The following PRSS12 variants were observed in gnomAD, a reference collection of about 807,000 sequenced individuals.
PRSS12 encodes the protein serine protease 12.
In PRSS12, 85 loss-of-function variants were observed where a neutral mutation model predicts 104.4. The ratio of observed to expected loss-of-function variants is 0.81; its 90% CI spans 0.68 to 0.98. The LOEUF is 0.98. Among genes scored for constraint, PRSS12 ranks in the 50% least tolerant of loss-of-function variants. The pLI, the probability that PRSS12 is intolerant of heterozygous loss-of-function variation, is 0.00. For missense variants in PRSS12, 1,141 were observed against 1,139.2 expected, an observed-to-expected ratio of 1.00 and a Z score of -0.02; for synonymous variants, 454 against 425.2, an observed-to-expected ratio of 1.07 and a Z score of -0.83.
intron 7 of PRSS12, among the ~76,000 whole-genome samples, chr4:118,309,161 G>A (rs558216942): frequency 2.0e-5 from 3 of 152,052 alleles, no homozygotes; most frequent in Non-Finnish European, 4.4e-5. Context: ...TGATTTTAAG[G>A]GAAAGAATTA....
Position 118,352,915 on chromosome 4 carries a change from C to T in PRSS12, c.-195G>A. 7.4e-7 allele frequency: 1 copy of T among 1,347,998 alleles called. No homozygotes were observed. Among genetic ancestry groups the T allele is most frequent in the Non-Finnish European group, 9.6e-7 (1 of 1,045,362 alleles). 83.5% of individuals were successfully genotyped at this position (1,347,998 alleles called of 1,614,324 possible). A position where few individuals can be genotyped will look rare whatever the true frequency, so the allele number is the denominator to read the frequency against. On this transcript the variant is annotated 5_prime_UTR_variant, in exon 1 of 13. Transcript: ENST00000296498. ...CCCTGCCGCGCCTCGGCTCCTGTCC[C>T]CTGGCGGCGGCCGCGGGTGGGGAAA...
At chr4:118,319,833 G>C (rs146832080) in intron 4 of PRSS12, among the ~76,000 whole-genome samples, 1 of 151,760 alleles carries the variant, frequency 6.6e-6, no homozygotes. Context: ...GCATACCACC[G>C]TGCCAGTGAA....
intron 3 of PRSS12, among the ~76,000 whole-genome samples, chr4:118,335,046 C>T (rs1371398723): frequency 4.6e-5 from 7 of 152,154 alleles, no homozygotes; most frequent in African/African-American, 1.7e-4. Context: ...CCCAAGAACA[C>T]TGATGCCATA....
At chr4:118,312,877 G>C (rs1241402606) in intron 7 of PRSS12, 1 of 330,934 alleles carries the variant, frequency 3.0e-6, no homozygotes, top group African/African-American at 2.1e-5. Context: ...ATGAAAATCA[G>C]AATAAGTGAC....
At chr4:118,284,812 C>A (rs140599815) in intron 11 of PRSS12, among the ~76,000 whole-genome samples, 1 of 152,250 alleles carries the variant, frequency 6.6e-6, no homozygotes, top group African/African-American at 2.4e-5. Flanking sequence ...TATTTTGTGC[C>A]GGCATCTAAC....
At chr4:118,282,315 TA>T in intron 12 of PRSS12, 72 bp from the exon 13 acceptor site, 1 of 1,571,388 alleles carries the variant, frequency 6.4e-7, no homozygotes, top group Non-Finnish European at 8.8e-7. Flanking sequence ...ACTGAGCATG[TA>T]ATAGTTATGA....
intron 11 of PRSS12, among the ~76,000 whole-genome samples, chr4:118,293,202 T>C (rs933636875): frequency 2.0e-5 from 3 of 151,860 alleles, no homozygotes; most frequent in Admixed American, 2.0e-4. Flanking sequence ...GACTAGAATA[T>C]TTAATAAAAA....
At chr4:118,328,543 GA>G (rs1723838572) in intron 4 of PRSS12, among the ~76,000 whole-genome samples, 1 of 151,420 alleles carries the variant, frequency 6.6e-6, no homozygotes, top group Non-Finnish European at 1.5e-5. Flanking sequence ...CTATTTAAGT[GA>G]AAAAAATATT....
rs749021535 is a variant in PRSS12, at chr4:118,282,917, TG to T, written c.2233del (p.His745MetfsTer23). The T allele has an allele frequency of 1.2e-6, 2 of 1,614,222 alleles. No homozygotes were observed. Among genetic ancestry groups the T allele is most frequent in the East Asian group, 2.2e-5 (1 of 44,880 alleles). On this transcript the variant is annotated frameshift_variant, in exon 12 of 13. Transcript: ENST00000296498. LOFTEE classifies it high-confidence loss of function. The part of the protein sequence containing the change: ...PEEQCARFSS[H>X]VLPACLPLWR... The stretch of plus-strand genomic sequence containing the variant: ...GAGTGGTAAACAGGCTGGCAAAACA[TG>T]GCTGCTGAATCTGGCACATTGCTCT...
At chr4:118,299,243 A>T (rs1355008301) in intron 8 of PRSS12, among the ~76,000 whole-genome samples, 1 of 152,216 alleles carries the variant, frequency 6.6e-6, no homozygotes, top group East Asian at 1.9e-4. Flanking sequence ...TAAGCAGGAA[A>T]AAATCACCTC....
chr4:118,335,064 T>C (rs921478168), intron 3 of PRSS12, among the ~76,000 whole-genome samples: 1 of 152,188 alleles, frequency 6.6e-6, no homozygotes, highest in Non-Finnish European at 1.5e-5. Context: ...ATAATTATAT[T>C]GCATTACACA....
At chr4:118,349,285 T>C (rs748868643) in intron 1 of PRSS12, among the ~76,000 whole-genome samples, 2 of 152,106 alleles carry the variant, frequency 1.3e-5, no homozygotes, top group African/African-American at 2.4e-5. Flanking sequence ...TTGCCTGTAA[T>C]CCCAGCACTT....
chr4:118,292,523 T>C (rs1297720342), intron 11 of PRSS12, among the ~76,000 whole-genome samples: 2 of 152,210 alleles, frequency 1.3e-5, no homozygotes, highest in Non-Finnish European at 2.9e-5. Flanking sequence ...TATAACTACA[T>C]AGTAAACTCT....
rs35698159 is a variant in PRSS12, at chr4:118,316,837, A to AAAAAAATATATAT, written c.1151-515_1151-514insATATATATTTTTT. Among the ~76,000 whole-genome samples, 162 of 99,162 alleles carry AAAAAAATATATAT rather than the reference A, an allele frequency of 1.6e-3. 1 individual carries two copies. Among genetic ancestry groups the AAAAAAATATATAT allele is most frequent in the Admixed American group, 7.4e-3 (52 of 7,002 alleles). The allele number at this position is 99,162 out of a possible 152,430, so 65.1% of individuals were successfully genotyped here. A position where few individuals can be genotyped will look rare whatever the true frequency, so the allele number is the denominator to read the frequency against. ...ACTCCGTCTCACGGAAAAAAAAAAA[A>AAAAAAATATATAT]ATATATATATATATATATATCTTTC... On this transcript the variant is annotated intron_variant, in intron 5 of 12. Coordinates refer to ENST00000296498, the MANE Select transcript of PRSS12 (RefSeq NM_003619.4).
chr4:118,291,017 A>AT (rs1010178531), intron 11 of PRSS12, among the ~76,000 whole-genome samples: 2 of 152,030 alleles, frequency 1.3e-5, no homozygotes, highest in Non-Finnish European at 2.9e-5. Context: ...ATATACAAAG[A>AT]TTTTTTTAAT....
chr4:118,330,943 G>A (rs1022286), intron 4 of PRSS12, among the ~76,000 whole-genome samples: 84,737 of 151,578 alleles, frequency 0.56, 24,908 homozygotes, highest in Admixed American at 0.72. Flanking sequence ...TGAACACAAT[G>A]AACAGGGAAG....
intron 9 of PRSS12, 126 bp from the exon 10 acceptor site, chr4:118,295,982 T>G: frequency 1.2e-6 from 1 of 849,496 alleles, no homozygotes; most frequent in South Asian, 1.5e-5. Flanking sequence ...AAATTAAAAT[T>G]TTTCTTGTAA....
At position 118,319,453 on chromosome 4, in the gene PRSS12, T is replaced by G. The variant is rs553938075; in HGVS notation, c.972-897A>C. 5.3e-5 allele frequency among the ~76,000 whole-genome samples: 8 copies of G among 152,248 alleles called. No homozygotes were observed. In the South Asian group the frequency reaches 1.0e-3, roughly 20 times the overall value. Reference sequence around the variant, plus strand: ...TCCTTCTCCTGACTGCAAGGATGGCTGGAGCCTAATAAGTTATCTTGGGCC... The same window carrying G: ...TCCTTCTCCTGACTGCAAGGATGGCGGGAGCCTAATAAGTTATCTTGGGCC... On this transcript the variant is annotated intron_variant, in intron 4 of 12. Transcript: ENST00000296498.
intron 5 of PRSS12, among the ~76,000 whole-genome samples, chr4:118,316,741 C>A (rs1228470927): frequency 6.6e-6 from 1 of 151,062 alleles, no homozygotes; most frequent in East Asian, 2.0e-4. Flanking sequence ...AAAATCGCTT[C>A]AGCCCAGGAG....
Sources: allele counts gnomAD v4.1 joint callset (sites outside exome capture counted in the v4.1 genomes callset), GRCh38; gene constraint gnomAD v4.1.1; transcripts MANE v1.5; gene names NCBI Gene and HGNC (gene_info 2026-07-23, HGNC 2026-07-21).